Variants in SHLD3 observed in about 807,000 individuals in gnomAD.
SHLD3 encodes the protein REV7-interacting novel NHEJ regulator 1.
SHLD3 carries 15 observed loss-of-function variants against 21.4 expected under a neutral mutation model. The observed-to-expected ratio is 0.70, with a 90% CI of 0.47 to 1.08. SHLD3 has a LOEUF of 1.08. Among genes scored for constraint, SHLD3 ranks in the 50% least tolerant of loss-of-function variants. The pLI, the probability that SHLD3 is intolerant of heterozygous loss-of-function variation, is 0.00. For missense variants in SHLD3, 273 were observed against 286.1 expected, an observed-to-expected ratio of 0.95 and a Z score of 0.33; for synonymous variants, 103 against 97.2, an observed-to-expected ratio of 1.06 and a Z score of -0.35.
At chr5:65,626,001 C>T (rs1168824228) in intron 1 of SHLD3, 2 of 152,192 alleles carry the variant, frequency 1.3e-5, no homozygotes, top group African/African-American at 4.8e-5. Context: ...TCATCAGTCT[C>T]ATATAATGAT....
At chr5:65,626,444 A>G (rs1309860049) in intron 1 of SHLD3, among the ~76,000 whole-genome samples, 1 of 152,222 alleles carries the variant, frequency 6.6e-6, no homozygotes, top group African/African-American at 2.4e-5. Context: ...GCTATTAAAA[A>G]CAGTTAAATT....
intron 1 of SHLD3, among the ~76,000 whole-genome samples, chr5:65,629,073 A>T (rs1755399817): frequency 6.6e-6 from 1 of 152,156 alleles, no homozygotes. Flanking sequence ...TAGTTGCCTC[A>T]AATTTTTAAA....
chr5:65,630,616 T>A lies in SHLD3; in HGVS notation c.*276T>A. On this transcript the variant is annotated 3_prime_UTR_variant, in exon 2 of 2. Coordinates refer to ENST00000510585, the MANE Select transcript of SHLD3 (RefSeq NM_001365341.2). ...CATGAATTAAGTTGTATAGTTTGGATTTTGGTTAATCTCTAAAATCTAATT... is the reference window on the plus strand; with the variant it reads ...CATGAATTAAGTTGTATAGTTTGGAATTTGGTTAATCTCTAAAATCTAATT... The A allele has an allele frequency of 9.4e-7, 1 of 1,065,454 alleles. No homozygotes were observed. Among genetic ancestry groups the A allele is most frequent in the East Asian group, 6.7e-5 (1 of 14,850 alleles). The allele number at this position is 1,065,454 out of a possible 1,614,324, so 66.0% of individuals were successfully genotyped here. A position where few individuals can be genotyped will look rare whatever the true frequency, so the allele number is the denominator to read the frequency against.
Position 65,630,546 on chromosome 5 carries a change from T to A in SHLD3, c.*206T>A. ...TTATTGTTTACACTGAATTTGAAGG[T>A]AAAAATGTTCTGTTCCTTTTGTTAC... On this transcript the variant is annotated 3_prime_UTR_variant, in exon 2 of 2. Coordinates refer to ENST00000510585, the MANE Select transcript of SHLD3 (RefSeq NM_001365341.2). 1 of 1,243,636 alleles carries A rather than the reference T, an allele frequency of 8.0e-7. No individual in the cohort carries two copies. The highest frequency in any genetic ancestry group is 1.0e-6 in the Non-Finnish European group (1 of 993,664). The allele number at this position is 1,243,636 out of a possible 1,614,324, so 77.0% of individuals were successfully genotyped here.
chr5:65,627,640 A>AT (rs1251167629), intron 1 of SHLD3, among the ~76,000 whole-genome samples: 1 of 151,288 alleles, frequency 6.6e-6, no homozygotes, highest in East Asian at 1.9e-4. Flanking sequence ...AAAAAAAAAA[A>AT]GTCATCCCTT....
At chr5:65,628,688 T>C (rs1278656513) in intron 1 of SHLD3, among the ~76,000 whole-genome samples, 2 of 151,902 alleles carry the variant, frequency 1.3e-5, no homozygotes, top group Non-Finnish European at 2.9e-5. Context: ...GCCAGGCTGG[T>C]CTCAAGCTCC....
chr5:65,630,349 A>C lies in SHLD3; in HGVS notation c.*9A>C. On this transcript the variant is annotated 3_prime_UTR_variant, in exon 2 of 2. Coordinates refer to ENST00000510585, the MANE Select transcript of SHLD3 (RefSeq NM_001365341.2). ...TTATTTTTAGTATGTAATGAATTCC[A>C]CTGATTGTCAAAAAGAATATTCTGA... The C allele has an allele frequency of 6.8e-7, 1 of 1,476,982 alleles. No homozygotes were observed. The highest frequency in any genetic ancestry group is 2.5e-5 in the East Asian group (1 of 40,288). 91.5% of individuals were successfully genotyped at this position (1,476,982 alleles called of 1,614,324 possible). A position where few individuals can be genotyped will look rare whatever the true frequency, so the allele number is the denominator to read the frequency against.
rs1464774818 is a variant in SHLD3 at position 65,630,355 on chromosome 5, T to G, written c.*15T>G. 3 of 1,471,342 alleles carry G rather than the reference T, an allele frequency of 2.0e-6. No individual in the cohort carries two copies. The highest frequency in any genetic ancestry group is 1.8e-6 in the Non-Finnish European group (2 of 1,115,094). 91.1% of individuals were successfully genotyped at this position (1,471,342 alleles called of 1,614,324 possible). A position where few individuals can be genotyped will look rare whatever the true frequency, so the allele number is the denominator to read the frequency against. On this transcript the variant is annotated 3_prime_UTR_variant, in exon 2 of 2. Transcript: ENST00000510585. ...TTAGTATGTAATGAATTCCACTGAT[T>G]GTCAAAAAGAATATTCTGAATGAAA...
In SHLD3 at chr5:65,630,832, A is replaced by G; in HGVS notation, c.*492A>G. 1 of 288,852 alleles carries G rather than the reference A, an allele frequency of 3.5e-6. No individual in the cohort carries two copies. Among genetic ancestry groups the G allele is most frequent in the Non-Finnish European group, 5.2e-6 (1 of 192,640 alleles). The allele number at this position is 288,852 out of a possible 1,614,324, so 17.9% of individuals were successfully genotyped here. ...GTTTTCAAACAACGATACAAAATGTATACTTTGCCTAAAACGATAATGTAT... is the reference window on the plus strand; with the variant it reads ...GTTTTCAAACAACGATACAAAATGTGTACTTTGCCTAAAACGATAATGTAT... On this transcript the variant is annotated 3_prime_UTR_variant, in exon 2 of 2. Coordinates refer to ENST00000510585, the MANE Select transcript of SHLD3 (RefSeq NM_001365341.2).
intron 1 of SHLD3, among the ~76,000 whole-genome samples, chr5:65,627,540 G>C (rs1365771729): frequency 1.3e-5 from 2 of 151,602 alleles, no homozygotes; most frequent in African/African-American, 2.4e-5. Flanking sequence ...TGAGGCACAA[G>C]AATCACTTGA....
In SHLD3 at chr5:65,630,100, A is replaced by G. The variant is rs1755464541; in HGVS notation, c.513A>G (p.Ile171Met). Residue 171 changes from isoleucine to methionine, a missense_variant, in exon 2 of 2, where the codon ATA (isoleucine) becomes ATG (methionine). By Grantham distance (10) the Ile-to-Met change is conservative. Transcript: ENST00000510585. ...CACTTTATAGAGCAAGATGGACAAT[A>G]GAACACACTATTTGTAACAGCCAAA... ...LHSLYRARWT[I>M]EHTICNSQTL... 2.6e-6 allele frequency: 4 copies of G among 1,536,116 alleles called. No individual in the cohort carries two copies. In the African/African-American group the frequency reaches 5.5e-5, roughly 21 times the overall value.
chr5:65,629,511 A>G lies in SHLD3; in HGVS notation c.-77A>G, dbSNP rs1400788265. On this transcript the variant is annotated 5_prime_UTR_variant, in exon 2 of 2. In the 5' UTR this introduces an upstream ATG that the reference lacks. Transcript: ENST00000510585. Reference sequence around the variant, plus strand: ...TTGGCAAGAGAGACAATCTTGCAATAATAAATTAACATTCTAGCTCTGAGG... The same window carrying G: ...TTGGCAAGAGAGACAATCTTGCAATGATAAATTAACATTCTAGCTCTGAGG... The G allele has an allele frequency of 1.1e-5, 16 of 1,439,818 alleles. No individual in the cohort carries two copies. Among genetic ancestry groups the G allele is most frequent in the Non-Finnish European group, 1.8e-6 (2 of 1,102,304 alleles). 89.2% of individuals were successfully genotyped at this position (1,439,818 alleles called of 1,614,324 possible).
intron 1 of SHLD3, among the ~76,000 whole-genome samples, chr5:65,629,022 A>C (rs1425043955): frequency 6.6e-6 from 1 of 152,098 alleles, no homozygotes; most frequent in Non-Finnish European, 1.5e-5. Context: ...GGTTTTCACC[A>C]TGTTGGATTA....
Position 65,630,462 on chromosome 5 carries a change from A to G in SHLD3, c.*122A>G. 4 of 1,390,290 alleles carry G rather than the reference A, an allele frequency of 2.9e-6. No homozygotes were observed. The highest frequency in any genetic ancestry group is 1.8e-5 in the South Asian group (1 of 54,796). The allele number at this position is 1,390,290 out of a possible 1,614,324, so 86.1% of individuals were successfully genotyped here. ...CTTTTTAGAATTCCTAGGCTTGTCA[A>G]TTAAGTCAAGAAATTGCTGAGTTCT... On this transcript the variant is annotated 3_prime_UTR_variant, in exon 2 of 2. Transcript: ENST00000510585.
chr5:65,625,930 T>A (rs1471849697), intron 1 of SHLD3: 1 of 152,214 alleles, frequency 6.6e-6, no homozygotes, highest in Non-Finnish European at 1.5e-5. Context: ...ACTTATGGCA[T>A]CCATTTTGAG....
intron 1 of SHLD3, among the ~76,000 whole-genome samples, chr5:65,628,622 C>A (rs1479523538): frequency 6.6e-6 from 1 of 151,950 alleles, no homozygotes; most frequent in Non-Finnish European, 1.5e-5. Context: ...CAGGCACACG[C>A]CACCACAGCC....
At position 65,630,700 on chromosome 5, in the gene SHLD3, A is replaced by G. The variant is rs1020718129; in HGVS notation, c.*360A>G. ...TTTTTAAAAAATAAAACTCGAAACA[A>G]TTCTCTTTGGAGTGCTATTTATGTG... On this transcript the variant is annotated 3_prime_UTR_variant, in exon 2 of 2. Coordinates refer to ENST00000510585, the MANE Select transcript of SHLD3 (RefSeq NM_001365341.2). 5.0e-5 allele frequency: 49 copies of G among 989,132 alleles called. No homozygotes were observed. The East Asian group carries it at 3.5e-3, about 70-fold the overall frequency. 61.3% of individuals were successfully genotyped at this position (989,132 alleles called of 1,614,324 possible).
chr5:65,630,558 G>A lies in SHLD3; in HGVS notation c.*218G>A. 8.3e-7 allele frequency: 1 copy of A among 1,206,350 alleles called. No individual in the cohort carries two copies. Among genetic ancestry groups the A allele is most frequent in the Non-Finnish European group, 1.0e-6 (1 of 971,000 alleles). The allele number at this position is 1,206,350 out of a possible 1,614,324, so 74.7% of individuals were successfully genotyped here. A position where few individuals can be genotyped will look rare whatever the true frequency, so the allele number is the denominator to read the frequency against. On this transcript the variant is annotated 3_prime_UTR_variant, in exon 2 of 2. Coordinates refer to ENST00000510585, the MANE Select transcript of SHLD3 (RefSeq NM_001365341.2). The stretch of plus-strand genomic sequence containing the variant: ...CTGAATTTGAAGGTAAAAATGTTCT[G>A]TTCCTTTTGTTACAAACTGTGATTG...
At chr5:65,626,685 G>A (rs2150655583) in intron 1 of SHLD3, among the ~76,000 whole-genome samples, 1 of 152,192 alleles carries the variant, frequency 6.6e-6, no homozygotes, top group East Asian at 1.9e-4. Context: ...GCAGTGATCC[G>A]AGATCACGCC....
Sources: allele counts gnomAD v4.1 joint callset (sites outside exome capture counted in the v4.1 genomes callset), GRCh38; gene constraint gnomAD v4.1.1; transcripts MANE v1.5; gene names NCBI Gene and HGNC (gene_info 2026-07-23, HGNC 2026-07-21).